The following ALDH7A1 variants were observed in gnomAD, a reference collection of about 807,000 sequenced individuals.
ALDH7A1 encodes alpha-aminoadipic semialdehyde dehydrogenase.
ALDH7A1 carries 63 observed loss-of-function variants against 79.9 expected under a neutral mutation model. That is an observed-to-expected ratio of 0.79 (90% confidence interval 0.64 to 0.97). ALDH7A1 has a LOEUF of 0.97. Among genes scored for constraint, ALDH7A1 ranks in the 50% least tolerant of loss-of-function variants. The probability of loss-of-function intolerance (pLI) is 0.00; values close to 1 mark genes in which losing one functional copy is unlikely to be tolerated. For missense variants in ALDH7A1, 627 were observed against 665.2 expected (o/e 0.94, Z 0.63); for synonymous variants, 240 against 231.2 (o/e 1.04, Z -0.34).
intron 16 of ALDH7A1, among the ~76,000 whole-genome samples, chr5:126,549,274 A>G (rs1397274483): frequency 6.6e-6 from 1 of 152,174 alleles, no homozygotes; most frequent in Non-Finnish European, 1.5e-5. Context: ...TATCTGCTCT[A>G]AAAATGTAAA....
intron 3 of ALDH7A1, chr5:126,586,323 A>C (rs1306952076): frequency 6.6e-6 from 1 of 152,238 alleles, no homozygotes; most frequent in Non-Finnish European, 1.5e-5. Context: ...ATGATGTTTC[A>C]ATTGAATTTA....
chr5:126,587,832 G>C (rs1025127994), intron 3 of ALDH7A1: 1 of 152,018 alleles, frequency 6.6e-6, no homozygotes, highest in African/African-American at 2.4e-5. Flanking sequence ...GCCTCTCTAA[G>C]TCCCTGCCCC....
Position 126,550,358 on chromosome 5 carries a change from A to G in ALDH7A1, c.1318-65T>C, listed in dbSNP as rs750572490. ...GTTCAAGTCAAAGTTCACTGACATT[A>G]AACTCATTTCCTGAAGTGTACCAGT... On this transcript the variant is annotated intron_variant, in intron 14 of 17. Transcript: ENST00000409134. The G allele has an allele frequency of 1.1e-5, 13 of 1,232,124 alleles. No homozygotes were observed. In the Admixed American group the frequency reaches 1.9e-4, roughly 18 times the overall value. The allele number at this position is 1,232,124 out of a possible 1,614,324, so 76.3% of individuals were successfully genotyped here. A position where few individuals can be genotyped will look rare whatever the true frequency, so the allele number is the denominator to read the frequency against.
chr5:126,548,894 TA>T (rs33926729), intron 16 of ALDH7A1, among the ~76,000 whole-genome samples: 31,582 of 93,194 alleles, frequency 0.34, 5,254 homozygotes, highest in East Asian at 0.53. Context: ...GGCCTGTTTC[TA>T]AAAAAAAAAA....
intron 7 of ALDH7A1, among the ~76,000 whole-genome samples, chr5:126,571,801 C>T (rs1475632607): frequency 6.6e-6 from 1 of 152,022 alleles, no homozygotes; most frequent in Non-Finnish European, 1.5e-5. Context: ...AGTTGTAAAG[C>T]ACAAATTGGG....
intron 16 of ALDH7A1, among the ~76,000 whole-genome samples, chr5:126,547,943 T>C (rs1219397802): frequency 6.6e-6 from 1 of 151,716 alleles, no homozygotes; most frequent in South Asian, 2.1e-4. Context: ...TCCCAGCTAC[T>C]CACGAGGTTG....
In ALDH7A1 at chr5:126,571,150, ATTTTTTT is replaced by A. The variant is rs386404930; in HGVS notation, c.696-298_696-292del. Reference sequence around the variant, plus strand: ...GCCGTTTTCAAAAAACTATTAGCAGATTTTTTTTTTTTTTTTTTTTTTTTTTAGCCCT... The same window carrying A: ...GCCGTTTTCAAAAAACTATTAGCAGATTTTTTTTTTTTTTTTTTTAGCCCT... On this transcript the variant is annotated intron_variant, in intron 7 of 17. Coordinates refer to ENST00000409134, the MANE Select transcript of ALDH7A1 (RefSeq NM_001182.5). The A allele has an allele frequency of 7.3e-3, 1,624 of 221,758 alleles. 9 individuals are homozygous for A. The highest frequency in any genetic ancestry group is 0.011 in the Non-Finnish European group (1,228 of 115,756). 13.7% of individuals were successfully genotyped at this position (221,758 alleles called of 1,614,324 possible).
At chr5:126,580,123 G>C (rs1751122159) in intron 5 of ALDH7A1, 1 of 167,256 alleles carries the variant, frequency 6.0e-6, no homozygotes, top group Non-Finnish European at 1.5e-5. Context: ...TGTTGAGACA[G>C]AGTTTTCTTC....
At chr5:126,571,176 T>TTTTTTTTTTA (rs869167520) in intron 7 of ALDH7A1, 1 of 305,660 alleles carries the variant, frequency 3.3e-6, no homozygotes, top group African/African-American at 2.6e-5. Context: ...TTTTTTTTTT[T>TTTTTTTTTTA]AGCCCTAAAA....
At chr5:126,571,247 G>A (rs1162853962) in intron 7 of ALDH7A1, 3 of 275,754 alleles carry the variant, frequency 1.1e-5, no homozygotes, top group Non-Finnish European at 2.1e-5. Flanking sequence ...GGAGGCCGAA[G>A]CAGGTGGATC....
chr5:126,588,042 T>C (rs1751414083), intron 3 of ALDH7A1: 1 of 152,130 alleles, frequency 6.6e-6, no homozygotes, highest in African/African-American at 2.4e-5. Flanking sequence ...GAAAGGATGT[T>C]AGGTGCAGAG....
chr5:126,576,248 G>A (rs747482963), intron 6 of ALDH7A1, among the ~76,000 whole-genome samples: 1 of 128,472 alleles, frequency 7.8e-6, no homozygotes, highest in Non-Finnish European at 1.6e-5. Context: ...GGGCGACAGA[G>A]CAAGACTCTG....
rs559141156 is a variant in ALDH7A1, at chr5:126,592,565, A to G, written c.312+99T>C. The G allele has an allele frequency of 4.7e-5, 58 of 1,236,546 alleles. No homozygotes were observed. In the African/African-American group the frequency reaches 7.3e-4, roughly 16 times the overall value. The allele number at this position is 1,236,546 out of a possible 1,614,324, so 76.6% of individuals were successfully genotyped here. On this transcript the variant is annotated intron_variant, in intron 3 of 17. Transcript: ENST00000409134. The stretch of plus-strand genomic sequence containing the variant: ...GCCCCCAAGGAGCTCACATTTTAAC[A>G]AGGCGGCACTGACCTGCTTATCAGA...
At position 126,550,358 on chromosome 5, in the gene ALDH7A1, A is replaced by C. The variant is rs750572490; in HGVS notation, c.1318-65T>G. The stretch of plus-strand genomic sequence containing the variant: ...GTTCAAGTCAAAGTTCACTGACATT[A>C]AACTCATTTCCTGAAGTGTACCAGT... On this transcript the variant is annotated intron_variant, in intron 14 of 17. Coordinates refer to ENST00000409134, the MANE Select transcript of ALDH7A1 (RefSeq NM_001182.5). The C allele has an allele frequency of 2.2e-5, 27 of 1,232,240 alleles. No individual in the cohort carries two copies. In the Middle Eastern group the frequency reaches 1.5e-3, roughly 68 times the overall value. 76.3% of individuals were successfully genotyped at this position (1,232,240 alleles called of 1,614,324 possible). A position where few individuals can be genotyped will look rare whatever the true frequency, so the allele number is the denominator to read the frequency against.
chr5:126,579,357 G>A (rs1002138833), intron 5 of ALDH7A1, among the ~76,000 whole-genome samples: 1 of 152,100 alleles, frequency 6.6e-6, no homozygotes, highest in African/African-American at 2.4e-5. Context: ...GGCCTTCCTG[G>A]ACTGCACTCA....
chr5:126,580,340 G>A (rs13171814), intron 5 of ALDH7A1, among the ~76,000 whole-genome samples: 20,110 of 151,942 alleles, frequency 0.13, 1,644 homozygotes, highest in African/African-American at 0.23. Context: ...TAAGTGATCC[G>A]CCCACCTCTG....
In ALDH7A1 at chr5:126,580,937, G is replaced by A. The variant is rs371403829; in HGVS notation, c.517+1914C>T. On this transcript the variant is annotated intron_variant, in intron 5 of 17. Transcript: ENST00000409134. ...CCTCCCGGGTTCAAGCGATTCTCCT[G>A]CCTCAGCCTCCCGAGTAGCTGGGAT... Among the ~76,000 whole-genome samples the A allele has an allele frequency of 4.4e-4, 67 of 151,716 alleles. 1 individual carries two copies. Among genetic ancestry groups the A allele is most frequent in the African/African-American group, 1.6e-3 (65 of 41,298 alleles).
chr5:126,544,703 A>T lies in ALDH7A1; in HGVS notation c.*262T>A, dbSNP rs933878443. 11 of 465,558 alleles carry T rather than the reference A, an allele frequency of 2.4e-5. No individual in the cohort carries two copies. The highest frequency in any genetic ancestry group is 3.9e-5 in the Non-Finnish European group (10 of 256,424). 28.8% of individuals were successfully genotyped at this position (465,558 alleles called of 1,614,324 possible). Reference sequence around the variant, plus strand: ...AATTACAAAATAATCATTAACTTTTAAAAAGCCATGTACAACTAGTTGACA... The same window carrying T: ...AATTACAAAATAATCATTAACTTTTTAAAAGCCATGTACAACTAGTTGACA... On this transcript the variant is annotated 3_prime_UTR_variant, in exon 18 of 18. Transcript: ENST00000409134.
intron 9 of ALDH7A1, among the ~76,000 whole-genome samples, chr5:126,565,506 A>G (rs1561657802): frequency 1.3e-5 from 2 of 151,928 alleles, no homozygotes; most frequent in Non-Finnish European, 2.9e-5. Flanking sequence ...TATATTCTAC[A>G]TACAAGTTCC....
Sources: gnomAD v4.1 joint callset for allele counts (sites outside exome capture counted in the v4.1 genomes callset) on GRCh38, gnomAD v4.1.1 for gene constraint, MANE v1.5 for transcripts, NCBI Gene and HGNC (gene_info 2026-07-23, HGNC 2026-07-21) for gene names.